Variants in STXBP4 observed in about 807,000 individuals in gnomAD.
The protein encoded by STXBP4 is syntaxin binding protein 4, also known as syntaxin-binding protein 4.
A neutral mutation model predicts 76.1 loss-of-function variants in STXBP4; 55 were observed. The ratio of observed to expected loss-of-function variants is 0.72; its 90% CI spans 0.58 to 0.91. The LOEUF is 0.91. STXBP4 is among the 40% of genes least tolerant of loss of function. STXBP4 has a pLI of 0.00. For missense variants in STXBP4, 618 were observed against 636.9 expected, an observed-to-expected ratio of 0.97 and a Z score of 0.32; for synonymous variants, 201 against 220.2, an observed-to-expected ratio of 0.91 and a Z score of 0.77.
At chr17:55,050,471 G>A (rs2078845808) in intron 12 of STXBP4, among the ~76,000 whole-genome samples, 1 of 151,998 alleles carries the variant, frequency 6.6e-6, no homozygotes, top group South Asian at 2.1e-4. Flanking sequence ...TCTAAAGAAT[G>A]ATGACATTCA....
chr17:55,120,837 A>G (rs1459244861), intron 16 of STXBP4, among the ~76,000 whole-genome samples: 1 of 151,654 alleles, frequency 6.6e-6, no homozygotes, highest in Non-Finnish European at 1.5e-5. Flanking sequence ...AGTAATTTGC[A>G]CAGAAGGAAC....
intron 17 of STXBP4, among the ~76,000 whole-genome samples, chr17:55,146,509 A>C (rs570340926): frequency 5.2e-4 from 79 of 152,228 alleles, no homozygotes; most frequent in African/African-American, 1.8e-3. Context: ...CAGGAGATTG[A>C]GACCATCCTG....
intron 16 of STXBP4, among the ~76,000 whole-genome samples, chr17:55,109,366 A>G (rs1462376394): frequency 6.6e-6 from 1 of 152,148 alleles, no homozygotes; most frequent in African/African-American, 2.4e-5. Context: ...ATTCATTAAT[A>G]TTAATTATTA....
intron 11 of STXBP4, among the ~76,000 whole-genome samples, chr17:55,045,432 G>C (rs1598260560): frequency 6.6e-6 from 1 of 151,922 alleles, no homozygotes; most frequent in Admixed American, 6.6e-5. Context: ...TAGACTTGTG[G>C]TTTATCAGAA....
At chr17:55,154,181 C>T (rs1306755804) in intron 17 of STXBP4, among the ~76,000 whole-genome samples, 1 of 152,150 alleles carries the variant, frequency 6.6e-6, no homozygotes, top group African/African-American at 2.4e-5. Flanking sequence ...GAGTCCTCTA[C>T]ATTCGGTTGG....
At chr17:55,016,923 TA>T (rs1424294217) in intron 8 of STXBP4, among the ~76,000 whole-genome samples, 2 of 152,218 alleles carry the variant, frequency 1.3e-5, no homozygotes, top group African/African-American at 4.8e-5. Flanking sequence ...CTACTTCTGT[TA>T]GCAAAGCAGT....
intron 16 of STXBP4, among the ~76,000 whole-genome samples, chr17:55,083,932 A>G (rs1265539034): frequency 1.3e-5 from 2 of 152,178 alleles, no homozygotes; most frequent in African/African-American, 4.8e-5. Flanking sequence ...GGAAAGTGAC[A>G]AGGTCTCTTT....
At chr17:55,102,159 G>A (rs2079574739) in intron 16 of STXBP4, among the ~76,000 whole-genome samples, 1 of 151,408 alleles carries the variant, frequency 6.6e-6, no homozygotes. Context: ...TAAGCTCTGG[G>A]ATACATGTAC....
At chr17:55,041,832 T>C (rs935705028) in intron 10 of STXBP4, among the ~76,000 whole-genome samples, 17 of 152,154 alleles carry the variant, frequency 1.1e-4, no homozygotes, top group African/African-American at 4.1e-4. Flanking sequence ...CATATACCAC[T>C]ACCACCATCA....
At chr17:55,041,268 G>A (rs1017226990) in intron 10 of STXBP4, among the ~76,000 whole-genome samples, 1 of 128,036 alleles carries the variant, frequency 7.8e-6, no homozygotes, top group Admixed American at 9.8e-5. Flanking sequence ...GTCTCACCCT[G>A]CCATCAGGCT....
At chr17:55,040,795 G>T (rs2144730421) in intron 10 of STXBP4, among the ~76,000 whole-genome samples, 1 of 152,234 alleles carries the variant, frequency 6.6e-6, no homozygotes, top group South Asian at 2.1e-4. Flanking sequence ...AAACAGATGT[G>T]GAAGGTTAAG....
chr17:55,066,961 G>A (rs1254833124), intron 12 of STXBP4, among the ~76,000 whole-genome samples: 1 of 152,124 alleles, frequency 6.6e-6, no homozygotes, highest in Non-Finnish European at 1.5e-5. Context: ...TATTTTAATT[G>A]TTAAATAAAA....
intron 6 of STXBP4, 39 bp downstream of exon 6, chr17:54,999,881 C>G: frequency 7.7e-7 from 1 of 1,304,478 alleles, no homozygotes; most frequent in South Asian, 1.3e-5. Flanking sequence ...TATATGCACT[C>G]CATAAATTCC....
At chr17:54,997,289 GA>G (rs530668195) in intron 4 of STXBP4, among the ~76,000 whole-genome samples, 1 of 151,948 alleles carries the variant, frequency 6.6e-6, no homozygotes, top group African/African-American at 2.4e-5. Context: ...TTTTTAGAAA[GA>G]AAAAATATGT....
At chr17:55,136,024 A>G (rs2080024983) in intron 16 of STXBP4, among the ~76,000 whole-genome samples, 1 of 152,178 alleles carries the variant, frequency 6.6e-6, no homozygotes, top group Admixed American at 6.6e-5. Context: ...TGGACAAGTT[A>G]TTTAAACTTC....
intron 1 of STXBP4, among the ~76,000 whole-genome samples, chr17:54,982,069 G>A (rs577802119): frequency 6.6e-6 from 1 of 152,154 alleles, no homozygotes; most frequent in African/African-American, 2.4e-5. Context: ...TAGTAAATTA[G>A]TACAACCCTG....
the STXBP4 span, among the ~76,000 whole-genome samples, chr17:55,195,166 GA>G: frequency 6.6e-6 from 1 of 152,174 alleles, no homozygotes; most frequent in South Asian, 2.1e-4. Flanking sequence ...CCAATCAGCA[GA>G]GCCCAGATGG....
chr17:55,052,644 G>A lies in STXBP4; in HGVS notation c.1011+5490G>A, dbSNP rs117991067. ...TCTCTCTACAAACTGCTTATTAATT[G>A]CAAGGGGGTAAAATAGCAGTTATAC... On this transcript the variant is annotated intron_variant, in intron 12 of 17. Coordinates refer to ENST00000376352, the MANE Select transcript of STXBP4 (RefSeq NM_178509.6). Among the ~76,000 whole-genome samples, 480 of 152,128 alleles carry A rather than the reference G, an allele frequency of 3.2e-3. 12 individuals carry two copies. The highest frequency in any genetic ancestry group is 0.025 in the East Asian group (130 of 5,176).
chr17:54,999,879 CT>C lies in STXBP4; in HGVS notation c.498+38del, dbSNP rs761524739. 9.6e-6 allele frequency: 13 copies of C among 1,352,460 alleles called. No individual in the cohort carries two copies. In the East Asian group the frequency reaches 2.8e-4, roughly 29 times the overall value. 83.8% of individuals were successfully genotyped at this position (1,352,460 alleles called of 1,614,324 possible). ...AATCTTAAATTTCTCTATATATGCA[CT>C]CCATAAATTCCCTATACATTTTTAC... On this transcript the variant is annotated intron_variant, in intron 6 of 17. Coordinates refer to ENST00000376352, the MANE Select transcript of STXBP4 (RefSeq NM_178509.6).
Sources: gnomAD v4.1 joint callset for allele counts (sites outside exome capture counted in the v4.1 genomes callset) on GRCh38, gnomAD v4.1.1 for gene constraint, MANE v1.5 for transcripts, NCBI Gene and HGNC (gene_info 2026-07-23, HGNC 2026-07-21) for gene names.